Variants in EPHA6 observed in about 807,000 individuals in gnomAD.
The protein encoded by EPHA6 is ephrin type-A receptor 6.
A neutral mutation model predicts 112.0 loss-of-function variants in EPHA6; 50 were observed. That is an observed-to-expected ratio of 0.45 (90% CI 0.36 to 0.56). EPHA6 has a LOEUF of 0.56. EPHA6 is among the 20% of genes least tolerant of loss of function. The probability of loss-of-function intolerance (pLI) is 0.00; values close to 1 mark genes in which losing one functional copy is unlikely to be tolerated. For synonymous variants in EPHA6, 529 were observed against 490.7 expected, an observed-to-expected ratio of 1.08 and a Z score of -1.03; for missense variants, 1,280 against 1,417.4, an observed-to-expected ratio of 0.90 and a Z score of 1.56.
intron 5 of EPHA6, among the ~76,000 whole-genome samples, chr3:97,353,904 C>G (rs967560879): frequency 3.9e-5 from 6 of 152,144 alleles, no homozygotes; most frequent in Non-Finnish European, 5.9e-5. Flanking sequence ...TACCCCTCCC[C>G]CAGATCCAGG....
intron 10 of EPHA6, among the ~76,000 whole-genome samples, chr3:97,489,853 A>G (rs2091794669): frequency 6.6e-6 from 1 of 152,186 alleles, no homozygotes; most frequent in Non-Finnish European, 1.5e-5. Flanking sequence ...CTATCAATTT[A>G]TTCTTGGTAC....
intron 6 of EPHA6, among the ~76,000 whole-genome samples, chr3:97,428,367 C>T (rs2107220577): frequency 1.3e-5 from 2 of 152,082 alleles, no homozygotes; most frequent in South Asian, 2.1e-4. Context: ...GTTAAGGAAA[C>T]TATTAAATTA....
chr3:97,113,041 CAGATA>C (rs1340647112), intron 3 of EPHA6, among the ~76,000 whole-genome samples: 1 of 152,108 alleles, frequency 6.6e-6, no homozygotes, highest in Non-Finnish European at 1.5e-5. Context: ...ACTCATTTCA[CAGATA>C]TTAGTTGGAG....
intron 14 of EPHA6, among the ~76,000 whole-genome samples, chr3:97,692,787 T>C (rs2032755516): frequency 6.6e-6 from 1 of 152,230 alleles, no homozygotes; most frequent in Admixed American, 6.5e-5. Flanking sequence ...TCTGCTCTGT[T>C]GTTTTTCAAA....
chr3:97,326,155 C>T (rs1364031589), intron 5 of EPHA6, among the ~76,000 whole-genome samples: 2 of 151,692 alleles, frequency 1.3e-5, no homozygotes, highest in African/African-American at 4.8e-5. Context: ...TTGTGACTCT[C>T]AGGGAATTTC....
intron 14 of EPHA6, among the ~76,000 whole-genome samples, chr3:97,641,281 A>C (rs1223650014): frequency 6.6e-6 from 1 of 152,212 alleles, no homozygotes; most frequent in African/African-American, 2.4e-5. Flanking sequence ...GCATTCTATG[A>C]ATGTACTTAG....
intron 11 of EPHA6, among the ~76,000 whole-genome samples, chr3:97,545,262 G>C (rs891364278): frequency 1.3e-5 from 2 of 151,920 alleles, no homozygotes; most frequent in Non-Finnish European, 2.9e-5. Context: ...CTGGTATGTT[G>C]TGTCTTTGTT....
chr3:97,207,521 A>G (rs1352212220), intron 3 of EPHA6, among the ~76,000 whole-genome samples: 1 of 152,150 alleles, frequency 6.6e-6, no homozygotes, highest in Admixed American at 6.5e-5. Flanking sequence ...GGTCCAGTAG[A>G]TTATTTTAGC....
chr3:96,990,176 G>A (rs2043164116), intron 3 of EPHA6, among the ~76,000 whole-genome samples: 1 of 151,838 alleles, frequency 6.6e-6, no homozygotes, highest in Non-Finnish European at 1.5e-5. Context: ...TTTCTTTATG[G>A]CATTTACCAC....
intron 11 of EPHA6, among the ~76,000 whole-genome samples, chr3:97,549,094 T>C (rs2092996055): frequency 6.6e-6 from 1 of 152,216 alleles, no homozygotes; most frequent in Non-Finnish European, 1.5e-5. Context: ...AATAAATGAC[T>C]ATGTTACTGG....
At chr3:97,155,464 G>A (rs946624332) in intron 3 of EPHA6, among the ~76,000 whole-genome samples, 2 of 152,124 alleles carry the variant, frequency 1.3e-5, no homozygotes, top group Non-Finnish European at 2.9e-5. Flanking sequence ...TGGTAATTCT[G>A]TGTATTAGTT....
At chr3:96,853,032 C>T (rs546921448) in intron 1 of EPHA6, among the ~76,000 whole-genome samples, 119 of 152,054 alleles carry the variant, frequency 7.8e-4, no homozygotes, top group South Asian at 2.3e-3. Context: ...TTTTGACTTC[C>T]GCATTCAGAA....
At chr3:96,971,969 G>T (rs2042332496) in intron 2 of EPHA6, among the ~76,000 whole-genome samples, 1 of 151,946 alleles carries the variant, frequency 6.6e-6, no homozygotes, top group Non-Finnish European at 1.5e-5. Context: ...CAAAAAACCT[G>T]GCTAGAAATT....
chr3:97,493,984 A>G (rs1412308292), intron 10 of EPHA6, among the ~76,000 whole-genome samples: 5 of 152,234 alleles, frequency 3.3e-5, no homozygotes, highest in Non-Finnish European at 7.3e-5. Context: ...TGTTAAGACT[A>G]TAAGAAAGAT....
intron 3 of EPHA6, among the ~76,000 whole-genome samples, chr3:97,001,835 G>A (rs1030548184): frequency 3.3e-5 from 5 of 151,910 alleles, no homozygotes; most frequent in Admixed American, 2.0e-4. Context: ...AACAAGCTCT[G>A]CTTTTCTGCA....
In EPHA6 at chr3:97,025,595, C is replaced by A. The variant is rs906554107; in HGVS notation, c.1114+37602C>A. On this transcript the variant is annotated intron_variant, in intron 3 of 17. Coordinates refer to ENST00000389672, the MANE Select transcript of EPHA6 (RefSeq NM_001080448.3). The stretch of plus-strand genomic sequence containing the variant: ...GGTATTTATGGTTTTACATTTAAGT[C>A]TTTTTTATTTTTTAAAAACAGTCTC... Among the ~76,000 whole-genome samples, 9 of 152,016 alleles carry A rather than the reference C, an allele frequency of 5.9e-5. No individual in the cohort carries two copies. The East Asian group carries it at 1.7e-3, about 29-fold the overall frequency.
intron 14 of EPHA6, among the ~76,000 whole-genome samples, chr3:97,642,970 A>G (rs568619382): frequency 2.4e-3 from 355 of 150,564 alleles, no homozygotes; most frequent in Non-Finnish European, 4.1e-3. Context: ...GAGAAGAGCA[A>G]CCCCAAGACA....
At chr3:97,093,964 G>A (rs988494773) in intron 3 of EPHA6, among the ~76,000 whole-genome samples, 1 of 151,888 alleles carries the variant, frequency 6.6e-6, no homozygotes, top group South Asian at 2.1e-4. Context: ...TAACTATATC[G>A]CTTCAGATAC....
intron 14 of EPHA6, among the ~76,000 whole-genome samples, chr3:97,641,256 T>C (rs2094001020): frequency 6.6e-6 from 1 of 152,154 alleles, no homozygotes; most frequent in Non-Finnish European, 1.5e-5. Flanking sequence ...CAAAACTTTG[T>C]TTATAAATTT....
Sources: allele counts gnomAD v4.1 joint callset (sites outside exome capture counted in the v4.1 genomes callset), GRCh38; gene constraint gnomAD v4.1.1; transcripts MANE v1.5; gene names NCBI Gene and HGNC (gene_info 2026-07-23, HGNC 2026-07-21).